The following C19orf12 variants were observed in gnomAD, a reference collection of about 807,000 sequenced individuals.
The protein encoded by C19orf12 is protein C19orf12.
In C19orf12, 2 loss-of-function variants were observed where a neutral mutation model predicts 3.8. The ratio of observed to expected loss-of-function variants is 0.53; its 90% CI spans 0.22 to 1.66. The LOEUF (loss-of-function observed/expected upper bound fraction) is 1.66, where lower values mean the gene tolerates loss of function less well. Ranked by LOEUF, C19orf12 falls within the 40% of genes most tolerant of loss-of-function variation. The pLI, the probability that C19orf12 is intolerant of heterozygous loss-of-function variation, is 0.20. For synonymous variants in C19orf12, 89 were observed against 84.6 expected (o/e 1.05, Z -0.28); for missense variants, 156 against 188.8 (o/e 0.83, Z 1.02).
intron 1 of C19orf12, among the ~76,000 whole-genome samples, chr19:29,709,632 C>G (rs1022761554): frequency 6.7e-6 from 1 of 149,812 alleles, no homozygotes; most frequent in Non-Finnish European, 1.5e-5. Context: ...TGGGCTCAAG[C>G]GATCCTCCCA....
rs564371019 is a variant in C19orf12, at chr19:29,699,444, C to G, written c.*3268G>C. 10 of 412,284 alleles carry G rather than the reference C, an allele frequency of 2.4e-5. No homozygotes were observed. Among genetic ancestry groups the G allele is most frequent in the African/African-American group, 1.9e-4 (9 of 47,298 alleles). 25.5% of individuals were successfully genotyped at this position (412,284 alleles called of 1,614,324 possible). A position where few individuals can be genotyped will look rare whatever the true frequency, so the allele number is the denominator to read the frequency against. On this transcript the variant is annotated 3_prime_UTR_variant, in exon 3 of 3. Transcript: ENST00000323670. ...CTTGCAGTGAACCAAGATCGCGCTA[C>G]TGCACTCCAGCCCGGGCGACAGTGC...
At chr19:29,709,244 AGACCTTTAGCACAAT>A (rs1209061276) in intron 1 of C19orf12, among the ~76,000 whole-genome samples, 23 of 152,378 alleles carry the variant, frequency 1.5e-4, no homozygotes, top group African/African-American at 4.8e-4. Context: ...ACGGGCGAGT[AGACCTTTAGCACAAT>A]GACCTTTAGC....
Position 29,708,407 on chromosome 19 carries a change from T to C in C19orf12, c.7A>G (p.Ile3Val), listed in dbSNP as rs888211462. 1.1e-5 allele frequency: 17 copies of C among 1,613,824 alleles called. No individual in the cohort carries two copies. Among genetic ancestry groups the C allele is most frequent in the African/African-American group, 2.7e-5 (2 of 74,918 alleles). Residue 3 changes from isoleucine (I) to valine (V), a missense_variant, in exon 2 of 3, where the codon ATC (isoleucine) becomes GTC (valine). Ile to Val is a conservative substitution (Grantham distance 29). Coordinates refer to ENST00000323670, the MANE Select transcript of C19orf12 (RefSeq NM_031448.6). MTIMVEDIMKLLC... is the reference protein window; with the variant it reads MTVMVEDIMKLLC... ...AGCTTCATGATGTCCTCCACCATGATAGTCATCGTGGCGGGCCTTCGAGGG... is the reference window on the plus strand; with the variant it reads ...AGCTTCATGATGTCCTCCACCATGACAGTCATCGTGGCGGGCCTTCGAGGG...
chr19:29,704,360 T>C (rs1409097087), intron 2 of C19orf12, among the ~76,000 whole-genome samples: 2 of 150,038 alleles, frequency 1.3e-5, no homozygotes, highest in Non-Finnish European at 3.0e-5. Context: ...TCCCAGCTAC[T>C]GGCTGAGGCA....
At position 29,702,348 on chromosome 19, in the gene C19orf12, A is replaced by T. The variant is rs1189663556; in HGVS notation, c.*364T>A. On this transcript the variant is annotated 3_prime_UTR_variant, in exon 3 of 3. Coordinates refer to ENST00000323670, the MANE Select transcript of C19orf12 (RefSeq NM_031448.6). ...CCCAAGATGAGAAGGCCCCGGGGGG[A>T]GGATGAAGTGTGGTCAGACCGTCGG... The T allele has an allele frequency of 8.2e-6, 4 of 490,054 alleles. No homozygotes were observed. The highest frequency in any genetic ancestry group is 1.6e-5 in the Non-Finnish European group (4 of 251,296). 30.4% of individuals were successfully genotyped at this position (490,054 alleles called of 1,614,324 possible). A position where few individuals can be genotyped will look rare whatever the true frequency, so the allele number is the denominator to read the frequency against.
In C19orf12 at chr19:29,715,251, GC is replaced by G. The variant is rs1438869109; in HGVS notation, c.-138del. 1.3e-5 allele frequency: 5 copies of G among 387,288 alleles called. No individual in the cohort carries two copies. The highest frequency in any genetic ancestry group is 4.3e-5 in the South Asian group (2 of 46,204). 24.0% of individuals were successfully genotyped at this position (387,288 alleles called of 1,614,324 possible). On this transcript the variant is annotated 5_prime_UTR_variant, in exon 1 of 3. Transcript: ENST00000323670. ...GAGGGTCGCGCAGGCCTTGGTGGCGGCCCCGGCGCTGGCCCCGCCCTCCGTC... is the reference window on the plus strand; with the variant it reads ...GAGGGTCGCGCAGGCCTTGGTGGCGGCCCGGCGCTGGCCCCGCCCTCCGTC...
chr19:29,704,906 C>G (rs1568329352), intron 2 of C19orf12, among the ~76,000 whole-genome samples: 2 of 152,214 alleles, frequency 1.3e-5, no homozygotes, highest in Admixed American at 1.3e-4. Context: ...GTGGCTACTT[C>G]ACGCCAGTTC....
chr19:29,705,532 A>C, intron 2 of C19orf12: 1 of 256,342 alleles, frequency 3.9e-6, no homozygotes. Context: ...TTTTCCTTAG[A>C]CAGAATCTCA....
rs765393360 is a variant in C19orf12 at position 29,702,732 on chromosome 19, C to T, written c.406G>A (p.Glu136Lys). 7 of 1,613,832 alleles carry T rather than the reference C, an allele frequency of 4.3e-6. No homozygotes were observed. In the South Asian group the frequency reaches 6.6e-5, roughly 15 times the overall value. ...GCGGCCTAGTCATCATACTGGATCT[C>T]GGCCCGCAGCTCCTTGGTGACGTAG... The part of the protein sequence containing the change: ...VNYVTKELRA[E>K]IQYDD Residue 136 changes from glutamate to lysine, a missense_variant, in exon 3 of 3, where the codon GAG (glutamate) becomes AAG (lysine). By Grantham distance (56) the Glu-to-Lys change is moderately conservative. Coordinates refer to ENST00000323670, the MANE Select transcript of C19orf12 (RefSeq NM_031448.6).
intron 1 of C19orf12, among the ~76,000 whole-genome samples, chr19:29,710,330 A>G (rs1384392485): frequency 1.3e-5 from 2 of 152,218 alleles, no homozygotes; most frequent in Non-Finnish European, 2.9e-5. Flanking sequence ...CAGTCCCAGG[A>G]GAGCATCCTG....
upstream of C19orf12, chr19:29,715,350 G>A: frequency 2.5e-6 from 1 of 395,112 alleles, no homozygotes; most frequent in South Asian, 1.7e-5. Flanking sequence ...GCTGCGCCCG[G>A]CCTTAGGGGG....
rs1300635382 is a variant in C19orf12, at chr19:29,703,144, CA to C, written c.161-168del. On this transcript the variant is annotated intron_variant, in intron 2 of 2. Coordinates refer to ENST00000323670, the MANE Select transcript of C19orf12 (RefSeq NM_031448.6). ...CTGCTCCGCCAGCCAGTGTGGAGGG[CA>C]AAGGTTTATGCAGTCTTCTGTCCAT... is the stretch of plus-strand genomic sequence containing the variant. Among the ~76,000 whole-genome samples, 4 of 152,158 alleles carry C rather than the reference CA, an allele frequency of 2.6e-5. 1 individual carries two copies. Among genetic ancestry groups the C allele is most frequent in the African/African-American group, 7.2e-5 (3 of 41,444 alleles).
chr19:29,711,102 C>T (rs1024862413), intron 1 of C19orf12, among the ~76,000 whole-genome samples: 2 of 132,678 alleles, frequency 1.5e-5, no homozygotes, highest in Non-Finnish European at 3.0e-5. Flanking sequence ...TGTAGCGGCG[C>T]GATCTCGGCT....
intron 1 of C19orf12, among the ~76,000 whole-genome samples, chr19:29,711,331 C>T (rs141814407): frequency 3.9e-5 from 6 of 152,160 alleles, no homozygotes; most frequent in South Asian, 2.1e-4. Flanking sequence ...TGAGCCACTA[C>T]GTCCAGCACA....
In C19orf12 at chr19:29,700,327, AG is replaced by A. The variant is rs1186271536; in HGVS notation, c.*2384del. On this transcript the variant is annotated 3_prime_UTR_variant, in exon 3 of 3. Coordinates refer to ENST00000323670, the MANE Select transcript of C19orf12 (RefSeq NM_031448.6). ...GTTGGCATTTGTTCAACATGGAAAA[AG>A]TGTCCCCCAACTTTGAAGCACTGAA... 2.2e-6 allele frequency: 1 copy of A among 454,130 alleles called. No homozygotes were observed. The highest frequency in any genetic ancestry group is 2.3e-5 in the Admixed American group (1 of 42,578). The allele number at this position is 454,130 out of a possible 1,614,324, so 28.1% of individuals were successfully genotyped here.
At chr19:29,714,449 G>A (rs148293830) in intron 1 of C19orf12, among the ~76,000 whole-genome samples, 1 of 152,074 alleles carries the variant, frequency 6.6e-6, no homozygotes, top group Admixed American at 6.5e-5. Context: ...AGCCGAGATC[G>A]CGCCATTGCA....
At chr19:29,706,837 C>T (rs1441581527) in intron 2 of C19orf12, among the ~76,000 whole-genome samples, 1 of 152,208 alleles carries the variant, frequency 6.6e-6, no homozygotes, top group Non-Finnish European at 1.5e-5. Flanking sequence ...AGGAACCCGG[C>T]CAGCGAGCTG....
chr19:29,705,863 G>C (rs925214756), intron 2 of C19orf12, among the ~76,000 whole-genome samples: 1 of 152,124 alleles, frequency 6.6e-6, no homozygotes, highest in Non-Finnish European at 1.5e-5. Context: ...GTGATCGCTA[G>C]GAGAACCGAA....
At chr19:29,703,540 C>G (rs534082275) in intron 2 of C19orf12, among the ~76,000 whole-genome samples, 1 of 152,034 alleles carries the variant, frequency 6.6e-6, no homozygotes, top group East Asian at 2.0e-4. Flanking sequence ...ACCACCACAC[C>G]TGGCTAATTT....
Sources: allele counts gnomAD v4.1 joint callset (sites outside exome capture counted in the v4.1 genomes callset), GRCh38; gene constraint gnomAD v4.1.1; transcripts MANE v1.5; gene names NCBI Gene and HGNC (gene_info 2026-07-23, HGNC 2026-07-21).